DIS3L2: variants seen among roughly 807,000 people sequenced by gnomAD.
DIS3L2 encodes the protein DIS3 like 3'-5' exoribonuclease 2.
Under a neutral mutation model 97.5 loss-of-function variants are expected in DIS3L2, and 34 were observed. The observed-to-expected ratio is 0.35, with a 90% confidence interval of 0.27 to 0.46. The LOEUF (loss-of-function observed/expected upper bound fraction) is 0.46. Ranked by LOEUF, DIS3L2 falls within the 20% of genes least tolerant of loss-of-function variation. The pLI is 1.00. For synonymous variants in DIS3L2, 435 were observed against 445.2 expected (o/e 0.98, Z 0.29); for missense variants, 1,038 against 1,146.0 (o/e 0.91, Z 1.36).
intron 10 of DIS3L2, among the ~76,000 whole-genome samples, chr2:232,228,844 A>G (rs748119875): frequency 8.5e-5 from 13 of 152,246 alleles, no homozygotes; most frequent in Non-Finnish European, 1.6e-4. Flanking sequence ...TCAAAATCCT[A>G]TCACTCAAAA....
At chr2:232,304,370 C>T (rs996419268) in intron 14 of DIS3L2, among the ~76,000 whole-genome samples, 2 of 152,194 alleles carry the variant, frequency 1.3e-5, no homozygotes, top group Non-Finnish European at 2.9e-5. Context: ...CAGTGTGTTA[C>T]ATGGGGGAGG....
intron 6 of DIS3L2, among the ~76,000 whole-genome samples, chr2:232,125,962 T>C (rs970986723): frequency 2.6e-5 from 4 of 152,248 alleles, no homozygotes; most frequent in Non-Finnish European, 5.9e-5. Flanking sequence ...AAATACATAC[T>C]GCATTCTTTT....
chr2:232,250,509 A>G (rs1295918333), intron 12 of DIS3L2, among the ~76,000 whole-genome samples: 1 of 152,028 alleles, frequency 6.6e-6, no homozygotes, highest in Non-Finnish European at 1.5e-5. Context: ...AACCCAGTTT[A>G]TGCAGCAGAA....
intron 5 of DIS3L2, among the ~76,000 whole-genome samples, chr2:232,048,621 A>C (rs1695312178): frequency 2.0e-5 from 3 of 151,868 alleles, no homozygotes; most frequent in Middle Eastern, 6.8e-3. Context: ...AGTCCCAGCT[A>C]CTCGGGAGGC....
chr2:231,968,644 T>C (rs979774141), intron 1 of DIS3L2, among the ~76,000 whole-genome samples: 1 of 152,238 alleles, frequency 6.6e-6, no homozygotes, highest in African/African-American at 2.4e-5. Flanking sequence ...CAATTTTAGT[T>C]ATTAACAAAT....
At chr2:232,266,719 C>T (rs1693865875) in intron 13 of DIS3L2, among the ~76,000 whole-genome samples, 1 of 152,160 alleles carries the variant, frequency 6.6e-6, no homozygotes, top group South Asian at 2.1e-4. Flanking sequence ...TTCCTTGGTG[C>T]TTTTTTGAGT....
intron 11 of DIS3L2, among the ~76,000 whole-genome samples, chr2:232,240,168 A>G (rs571391309): frequency 6.6e-6 from 1 of 152,288 alleles, no homozygotes; most frequent in Non-Finnish European, 1.5e-5. Flanking sequence ...ACCTAGGAAG[A>G]CCTGGCACCT....
intron 5 of DIS3L2, among the ~76,000 whole-genome samples, chr2:232,071,217 T>C (rs1034715182): frequency 6.6e-5 from 10 of 152,218 alleles, no homozygotes; most frequent in African/African-American, 2.4e-4. Flanking sequence ...CCTGCTGTTC[T>C]GAGTTGTTAG....
intron 20 of DIS3L2, 144 bp from the exon 21 acceptor site, chr2:232,336,324 AG>A (rs756501985): frequency 6.5e-7 from 1 of 1,546,306 alleles, no homozygotes; most frequent in Admixed American, 2.0e-5. Flanking sequence ...TTCTTCCTGG[AG>A]GGGGCCCCCA....
chr2:232,333,504 G>A (rs977063310), intron 16 of DIS3L2, among the ~76,000 whole-genome samples: 1 of 152,190 alleles, frequency 6.6e-6, no homozygotes, highest in Non-Finnish European at 1.5e-5. Context: ...CATCCTGGGG[G>A]TTCCTGGCTC....
At chr2:232,321,149 G>A (rs1695419671) in intron 14 of DIS3L2, among the ~76,000 whole-genome samples, 1 of 152,204 alleles carries the variant, frequency 6.6e-6, no homozygotes, top group Non-Finnish European at 1.5e-5. Flanking sequence ...TGGCCAGTAA[G>A]TGAGCAGGGC....
intron 9 of DIS3L2, among the ~76,000 whole-genome samples, chr2:232,193,330 G>T (rs749118443): frequency 6.6e-6 from 1 of 152,176 alleles, no homozygotes; most frequent in African/African-American, 2.4e-5. Context: ...CACTTACTAG[G>T]TATATAATCT....
At position 232,174,414 on chromosome 2, in the gene DIS3L2, C is replaced by A. The variant is rs182911258; in HGVS notation, c.1124+10782C>A. 4.0e-3 allele frequency among the ~76,000 whole-genome samples: 612 copies of A among 151,686 alleles called. 5 individuals carry two copies. Among genetic ancestry groups the A allele is most frequent in the African/African-American group, 0.014 (575 of 41,356 alleles). The stretch of plus-strand genomic sequence containing the variant: ...CAGCCTGGGTAACATAGTGAAACCC[C>A]GTCTCTATTAAAAATACAAAAATTA... On this transcript the variant is annotated intron_variant, in intron 9 of 20. Transcript: ENST00000325385.
intron 5 of DIS3L2, among the ~76,000 whole-genome samples, chr2:232,057,743 G>A (rs886808840): frequency 6.6e-6 from 1 of 152,106 alleles, no homozygotes; most frequent in Middle Eastern, 3.2e-3. Flanking sequence ...ACCCACAGAA[G>A]TTGTAAGATA....
In DIS3L2 at chr2:232,330,737, C is replaced by A. The variant is rs376923957; in HGVS notation, c.1971C>A (p.Arg657=). 1.2e-6 allele frequency: 2 copies of A among 1,613,500 alleles called. No individual in the cohort carries two copies. The highest frequency in any genetic ancestry group is 1.7e-6 in the Non-Finnish European group (2 of 1,180,012). ...TFGDDKYSLA[R]KEVLTNMCSR... The stretch of plus-strand genomic sequence containing the variant: ...GAGATGACAAGTACTCACTGGCCCG[C>A]AAGGAGGTGCTCACCAACATGTGCT... The change falls in exon 16 of 21, where the codon CGC becomes CGA. Residue 657 remains arginine, a synonymous_variant. Transcript: ENST00000325385.
rs191365814 is a variant in DIS3L2 at position 232,285,636 on chromosome 2, G to A, written c.1660-14404G>A. 4.6e-4 allele frequency among the ~76,000 whole-genome samples: 70 copies of A among 152,336 alleles called. 1 individual carries two copies. Among genetic ancestry groups the A allele is most frequent in the Admixed American group, 2.4e-3 (36 of 15,308 alleles). ...TAGGAAATGCCAAGACTTTAGAGCC[G>A]TATGGGTTTGAGTTCCATTTCCAGG... On this transcript the variant is annotated intron_variant, in intron 13 of 20. Coordinates refer to ENST00000325385, the MANE Select transcript of DIS3L2 (RefSeq NM_152383.5).
chr2:232,189,125 A>G (rs1180739035), intron 9 of DIS3L2, among the ~76,000 whole-genome samples: 2 of 152,236 alleles, frequency 1.3e-5, no homozygotes, highest in Non-Finnish European at 2.9e-5. Context: ...GGATCACTCA[A>G]ACGTTGCCGG....
At chr2:232,330,879 T>C in intron 16 of DIS3L2, 103 bp downstream of exon 16, 6 of 1,208,478 alleles carry the variant, frequency 5.0e-6, no homozygotes, top group South Asian at 3.6e-5. Flanking sequence ...TCCTGCCTGC[T>C]CTGGACATGG....
intron 1 of DIS3L2, among the ~76,000 whole-genome samples, chr2:231,968,018 A>G (rs994728628): frequency 1.1e-4 from 16 of 151,082 alleles, no homozygotes; most frequent in African/African-American, 3.9e-4. Context: ...TATCATCACA[A>G]ACAGGACATT....
Sources: gnomAD v4.1 joint callset for allele counts (sites outside exome capture counted in the v4.1 genomes callset) on GRCh38, gnomAD v4.1.1 for gene constraint, MANE v1.5 for transcripts, NCBI Gene and HGNC (gene_info 2026-07-23, HGNC 2026-07-21) for gene names.